RUNX1T1: variants seen among roughly 807,000 people sequenced by gnomAD.
RUNX1T1 encodes the protein protein CBFA2T1.
In RUNX1T1, 4 loss-of-function variants were observed where a neutral mutation model predicts 62.8. That is an observed-to-expected ratio of 0.06 (90% CI 0.03 to 0.15). The LOEUF is 0.15. RUNX1T1 is among the 10% of genes least tolerant of loss of function. The pLI is 1.00. For missense variants in RUNX1T1, 508 were observed against 754.3 expected, an observed-to-expected ratio of 0.67 and a Z score of 3.82; for synonymous variants, 291 against 286.0, an observed-to-expected ratio of 1.02 and a Z score of -0.18.
At chr8:92,084,788 A>G (rs2130849353) in intron 1 of RUNX1T1, among the ~76,000 whole-genome samples, 1 of 152,268 alleles carries the variant, frequency 6.6e-6, no homozygotes, top group Middle Eastern at 3.4e-3. Flanking sequence ...GAAGCAACCC[A>G]GGGTTTTAGA....
intron 1 of RUNX1T1, among the ~76,000 whole-genome samples, chr8:92,038,197 G>GT (rs1313616196): frequency 1.3e-5 from 2 of 152,056 alleles, no homozygotes; most frequent in African/African-American, 4.8e-5. Context: ...CTATAGGCAT[G>GT]TGCCACCACA....
chr8:91,995,676 A>G (rs1183889166), intron 5 of RUNX1T1, among the ~76,000 whole-genome samples: 1 of 152,006 alleles, frequency 6.6e-6, no homozygotes, highest in Non-Finnish European at 1.5e-5. Context: ...AGTTCTAACT[A>G]CTCCAGAAGC....
intron 1 of RUNX1T1, among the ~76,000 whole-genome samples, chr8:92,080,528 T>A (rs1835086371): frequency 1.3e-5 from 2 of 152,238 alleles, no homozygotes; most frequent in Non-Finnish European, 2.9e-5. Flanking sequence ...CTTTAAGGCA[T>A]AAGTGCACTC....
At chr8:92,051,614 TCTCTCTCTCA>T (rs1830259851) in intron 1 of RUNX1T1, among the ~76,000 whole-genome samples, 1 of 150,204 alleles carries the variant, frequency 6.7e-6, no homozygotes, top group African/African-American at 2.5e-5. Flanking sequence ...TCTCTCTCTC[TCTCTCTCTCA>T]CTCTCTCTCT....
At chr8:91,964,117 C>T (rs989724239) in intron 10 of RUNX1T1, among the ~76,000 whole-genome samples, 1 of 152,150 alleles carries the variant, frequency 6.6e-6, no homozygotes, top group Non-Finnish European at 1.5e-5. Context: ...ATACTAAATA[C>T]AAGGCTATAT....
chr8:91,955,227 A>C (rs1253928691), downstream of RUNX1T1: 1 of 220,762 alleles, frequency 4.5e-6, no homozygotes, highest in Non-Finnish European at 9.1e-6. Flanking sequence ...TATCCACTTG[A>C]ATGAAAACGT....
At chr8:92,025,321 C>T (rs922632866) in intron 1 of RUNX1T1, among the ~76,000 whole-genome samples, 1 of 152,172 alleles carries the variant, frequency 6.6e-6, no homozygotes, top group Admixed American at 6.5e-5. Flanking sequence ...CATAGAAAGA[C>T]CTTTGTGACC....
intron 1 of RUNX1T1, among the ~76,000 whole-genome samples, chr8:92,056,754 C>CA (rs1430620851): frequency 2.0e-5 from 3 of 152,026 alleles, no homozygotes; most frequent in Non-Finnish European, 4.4e-5. Flanking sequence ...GTCTCACCAC[C>CA]AAAAAACGTG....
At chr8:92,011,156 A>G (rs1324432539) in intron 3 of RUNX1T1, 65 bp from the exon 5 acceptor site, 1 of 866,556 alleles carries the variant, frequency 1.2e-6, no homozygotes, top group African/African-American at 1.7e-5. Flanking sequence ...ACACAAACAA[A>G]TTAATTATTA....
intron 1 of RUNX1T1, among the ~76,000 whole-genome samples, chr8:92,087,877 T>C (rs183517349): frequency 2.4e-4 from 36 of 152,352 alleles, no homozygotes; most frequent in Admixed American, 2.1e-3. Context: ...TCCTCCAATA[T>C]TTTATACCTG....
intron 2 of RUNX1T1, among the ~76,000 whole-genome samples, chr8:92,075,356 T>A (rs1834265870): frequency 6.6e-6 from 1 of 152,220 alleles, no homozygotes; most frequent in Non-Finnish European, 1.5e-5. Context: ...TTTCAAATAT[T>A]GCAGACTTTA....
exon 7 of RUNX1T1, chr8:91,986,892 C>A: frequency 6.3e-7 from 1 of 1,593,358 alleles, no homozygotes; most frequent in South Asian, 1.1e-5. Flanking sequence ...CTTACATGGT[C>A]AAGATGTTTC....
rs189845078 is a variant in RUNX1T1, at chr8:91,999,340, C to T, written c.659+5776G>A. Among the ~76,000 whole-genome samples, 38 of 152,206 alleles carry T rather than the reference C, an allele frequency of 2.5e-4. 1 individual carries two copies. Among genetic ancestry groups the T allele is most frequent in the African/African-American group, 9.1e-4 (38 of 41,532 alleles). On this transcript the variant is annotated intron_variant, in intron 5 of 10. Transcript: ENST00000396218. The stretch of plus-strand genomic sequence containing the variant: ...AAATTGTGGCTCTGCTATTTGCTGG[C>T]CATATAAACTCAAGAGGCTTAATCC...
chr8:92,011,715 G>A (rs780924053), intron 3 of RUNX1T1, among the ~76,000 whole-genome samples: 2 of 152,056 alleles, frequency 1.3e-5, no homozygotes, highest in Non-Finnish European at 2.9e-5. Context: ...CCCAATTATC[G>A]AAGACATTCC....
chr8:92,053,434 A>G (rs934530450), intron 1 of RUNX1T1, among the ~76,000 whole-genome samples: 1 of 152,186 alleles, frequency 6.6e-6, no homozygotes, highest in African/African-American at 2.4e-5. Context: ...GGGAGAGTCC[A>G]TTTCCAAAAT....
At chr8:92,053,847 T>A (rs1830599099) in intron 1 of RUNX1T1, among the ~76,000 whole-genome samples, 1 of 152,198 alleles carries the variant, frequency 6.6e-6, no homozygotes, top group African/African-American at 2.4e-5. Flanking sequence ...TGGAATGGAA[T>A]TATTAGAACT....
intron 1 of RUNX1T1, among the ~76,000 whole-genome samples, chr8:92,056,417 G>A (rs1479594442): frequency 6.6e-6 from 1 of 152,014 alleles, no homozygotes; most frequent in African/African-American, 2.4e-5. Context: ...GTTCTCATAG[G>A]TACTTTTAAA....
intron 9 of RUNX1T1, among the ~76,000 whole-genome samples, chr8:91,973,025 A>G: frequency 6.6e-6 from 1 of 151,984 alleles, no homozygotes; most frequent in East Asian, 1.9e-4. Flanking sequence ...AATCTTTAAA[A>G]ATGTGTGTTG....
intron 1 of RUNX1T1, among the ~76,000 whole-genome samples, chr8:92,089,925 TAA>T (rs36052605): frequency 0.028 from 2,247 of 80,188 alleles, 20 homozygotes; most frequent in African/African-American, 0.033. Context: ...TCCCTGAATT[TAA>T]AAAAAAAAAA....
Sources: allele counts gnomAD v4.1 joint callset (sites outside exome capture counted in the v4.1 genomes callset), GRCh38; gene constraint gnomAD v4.1.1; transcripts MANE v1.5; gene names NCBI Gene and HGNC (gene_info 2026-07-23, HGNC 2026-07-21).